TREH: variants seen among roughly 807,000 people sequenced by gnomAD.
The protein encoded by TREH is trehalase.
TREH carries 69 observed loss-of-function variants against 80.5 expected under a neutral mutation model. The observed-to-expected ratio is 0.86, with a 90% CI of 0.71 to 1.05. The LOEUF is 1.05. Among genes scored for constraint, TREH ranks in the 50% least tolerant of loss-of-function variants. The probability of loss-of-function intolerance (pLI) is 0.00; values close to 1 mark genes in which losing one functional copy is unlikely to be tolerated. For missense variants in TREH, 716 were observed against 718.8 expected (o/e 1.00, Z 0.04); for synonymous variants, 309 against 293.5 (o/e 1.05, Z -0.54).
chr11:118,679,319 G>A (rs1483555678), intron 1 of TREH, among the ~76,000 whole-genome samples: 1 of 152,064 alleles, frequency 6.6e-6, no homozygotes, highest in Non-Finnish European at 1.5e-5. Context: ...CTGGACGACC[G>A]AGCAAGACTC....
chr11:118,662,040 GAGGCTAC>G (rs1433237128), intron 4 of TREH, 50 bp from the exon 5 acceptor site: 24 of 1,447,862 alleles, frequency 1.7e-5, no homozygotes, highest in Non-Finnish European at 2.2e-5. Flanking sequence ...CACGGAAGCA[GAGGCTAC>G]AGGCAGCTGG....
Position 118,659,747 on chromosome 11 carries a change from C to T in TREH, c.1320G>A (p.Glu440=). The part of the protein sequence containing the change: ...GVADKALKYL[E]DNRILTYQYG... Reference sequence around the variant, plus strand: ...CCCGAGCCACCTGCTGTGCCCTCACCTCCAGGTATTTCAGAGCCTTGTCCG... The same window carrying T: ...CCCGAGCCACCTGCTGTGCCCTCACTTCCAGGTATTTCAGAGCCTTGTCCG... The change falls in exon 11 of 15, where the codon GAG becomes GAA. Residue 440 remains glutamate, a splice_region_variant and synonymous_variant. Coordinates refer to ENST00000264029, the MANE Select transcript of TREH (RefSeq NM_007180.3). 6.4e-7 allele frequency: 1 copy of T among 1,570,260 alleles called. No individual in the cohort carries two copies. The highest frequency in any genetic ancestry group is 8.6e-7 in the Non-Finnish European group (1 of 1,157,224).
chr11:118,672,001 CCAGA>C (rs1555146335), intron 1 of TREH, among the ~76,000 whole-genome samples: 1 of 152,092 alleles, frequency 6.6e-6, no homozygotes, highest in East Asian at 1.9e-4. Flanking sequence ...AAAGACTTTC[CCAGA>C]CAAACAAAAG....
At chr11:118,659,998 G>C in intron 10 of TREH, 34 bp from the exon 11 acceptor site, 1 of 1,539,056 alleles carries the variant, frequency 6.5e-7, no homozygotes, top group Non-Finnish European at 8.8e-7. Context: ...CCAGCAGCCA[G>C]TGCCCTGCCT....
chr11:118,673,221 G>C (rs1949446405), intron 1 of TREH, among the ~76,000 whole-genome samples: 1 of 152,172 alleles, frequency 6.6e-6, no homozygotes, highest in South Asian at 2.1e-4. Context: ...GTAACTCAGT[G>C]GTTCAAATTG....
rs369738256 is a variant in TREH at position 118,658,728 on chromosome 11, G to A, written c.1551C>T (p.Asp517=). ...SQKSAMYEKY[D]VSNGGQPGGG... ...CACCGGGCTGTCCACCGTTGCTGAC[G>A]TCATACTGGGGACAAGCGGGTGGGC... The change falls in exon 14 of 15, where the codon GAC becomes GAT. Residue 517 remains aspartate (D), a synonymous_variant. Transcript: ENST00000264029. 72 of 1,606,876 alleles carry A rather than the reference G, an allele frequency of 4.5e-5. No individual in the cohort carries two copies. In the African/African-American group the frequency reaches 7.5e-4, roughly 17 times the overall value.
Position 118,663,054 on chromosome 11 carries a change from G to A in TREH, c.333C>T (p.Asp111=). ...LQPWTPADWK[D]SPQFLQKISD... is the part of the protein sequence containing the mutation. The stretch of plus-strand genomic sequence containing the variant: ...TTGTTCCCCTTCCAGAGTCATACCT[G>A]TCTTTCCAGTCTGCAGGGGTCCAGG... The change falls in exon 3 of 15, where the codon GAC becomes GAT. Residue 111 remains aspartate (D), a splice_region_variant and synonymous_variant. Transcript: ENST00000264029. The A allele has an allele frequency of 6.2e-7, 1 of 1,613,616 alleles. No homozygotes were observed. The highest frequency in any genetic ancestry group is 1.1e-5 in the South Asian group (1 of 91,046).
chr11:118,670,452 A>G (rs1436649856), intron 1 of TREH, among the ~76,000 whole-genome samples: 1 of 152,258 alleles, frequency 6.6e-6, no homozygotes, highest in Non-Finnish European at 1.5e-5. Context: ...TAGCATTTTT[A>G]TAACAGACAA....
At position 118,658,723 on chromosome 11, in the gene TREH, C is replaced by T. The variant is rs1478362902; in HGVS notation, c.1556G>A (p.Ser519Asn). The T allele has an allele frequency of 6.2e-7, 1 of 1,606,034 alleles. No individual in the cohort carries two copies. Among genetic ancestry groups the T allele is most frequent in the East Asian group, 2.2e-5 (1 of 44,512 alleles). ...KSAMYEKYDV[S>N]NGGQPGGGGE... ...TCCCCCACCGGGCTGTCCACCGTTGCTGACGTCATACTGGGGACAAGCGGG... is the reference window on the plus strand; with the variant it reads ...TCCCCCACCGGGCTGTCCACCGTTGTTGACGTCATACTGGGGACAAGCGGG... Residue 519 changes from serine (S) to asparagine (N), a missense_variant, in exon 14 of 15, where the codon AGC becomes AAC. Ser to Asn is a conservative substitution (Grantham distance 46). Transcript: ENST00000264029.
Position 118,661,741 on chromosome 11 carries a change from G to T in TREH, c.525-12C>A. 1.9e-6 allele frequency: 3 copies of T among 1,613,552 alleles called. No individual in the cohort carries two copies. The highest frequency in any genetic ancestry group is 2.5e-6 in the Non-Finnish European group (3 of 1,179,664). On this transcript the variant is annotated splice_polypyrimidine_tract_variant and intron_variant, in intron 5 of 14. Transcript: ENST00000264029. This position sits in a 1 kb window ranked among gnomAD's most constrained non-coding sequence, Gnocchi z 4.2. ...CCCAGTAGGAGTCCCTGGGGAAGGG[G>T]CAGCTTAGGCACCACCCTGCTGCCT...
At chr11:118,673,933 T>C (rs1041379111) in intron 1 of TREH, among the ~76,000 whole-genome samples, 3 of 152,172 alleles carry the variant, frequency 2.0e-5, no homozygotes, top group African/African-American at 7.2e-5. Flanking sequence ...GAGCTGTCAA[T>C]AGGGCACTGT....
chr11:118,660,070 G>T, intron 10 of TREH, 106 bp from the exon 11 acceptor site: 1 of 1,077,944 alleles, frequency 9.3e-7, no homozygotes, highest in Non-Finnish European at 1.3e-6. Context: ...TCTCTGCAAA[G>T]GCTGAGACAC....
chr11:118,659,483 TAG>T lies in TREH; in HGVS notation c.1321-4_1321-3del. On this transcript the variant is annotated splice_region_variant and splice_polypyrimidine_tract_variant and intron_variant, in intron 11 of 14. Coordinates refer to ENST00000264029, the MANE Select transcript of TREH (RefSeq NM_007180.3). ...CTGGTAAGTCAGGATCCGGTTGTCCTAGAAGGTCCCAGACATTCCCATGACTG... is the reference window on the plus strand; with the variant it reads ...CTGGTAAGTCAGGATCCGGTTGTCCTAAGGTCCCAGACATTCCCATGACTG... 6.3e-7 allele frequency: 1 copy of T among 1,582,372 alleles called. No individual in the cohort carries two copies. Among genetic ancestry groups the T allele is most frequent in the Non-Finnish European group, 8.6e-7 (1 of 1,163,092 alleles).
At chr11:118,662,060 G>A (rs1477294313) in intron 4 of TREH, 70 bp from the exon 5 acceptor site, 5 of 1,267,828 alleles carry the variant, frequency 3.9e-6, no homozygotes, top group Non-Finnish European at 5.6e-6. Flanking sequence ...GCAGCTGGGG[G>A]ATCTGAGGCC....
intron 1 of TREH, among the ~76,000 whole-genome samples, chr11:118,669,078 C>T (rs1421368307): frequency 2.0e-5 from 3 of 152,054 alleles, no homozygotes; most frequent in African/African-American, 7.2e-5. Context: ...AAATGGCAAA[C>T]AAGCAAATGA....
At chr11:118,679,394 A>C (rs1949512129) in intron 1 of TREH, 145 bp downstream of exon 1, 6 of 1,059,204 alleles carry the variant, frequency 5.7e-6, no homozygotes, top group Non-Finnish European at 7.7e-6. Context: ...GCTACATAGG[A>C]ATTCTCATTT....
chr11:118,679,448 T>C (rs1228999700), intron 1 of TREH, 91 bp downstream of exon 1: 18 of 1,332,882 alleles, frequency 1.4e-5, no homozygotes, highest in Non-Finnish European at 1.6e-5. Flanking sequence ...TCTCTTCCTT[T>C]CCCTCTGAAG....
chr11:118,658,754 T>A (rs1218944844), intron 13 of TREH, 21 bp from the exon 14 acceptor site: 18 of 1,609,112 alleles, frequency 1.1e-5, no homozygotes, highest in Non-Finnish European at 1.5e-5. Context: ...GCGGGTGGGC[T>A]GTATGTCAGG....
In TREH at chr11:118,661,421, T is replaced by C; in HGVS notation, c.706A>G (p.Thr236Ala). The C allele has an allele frequency of 6.2e-7, 1 of 1,613,454 alleles. No homozygotes were observed. Among genetic ancestry groups the C allele is most frequent in the Non-Finnish European group, 8.5e-7 (1 of 1,179,730 alleles). ...AGAAAGGCGGTGTCATTGGTGTGAG[T>C]CAAGTAGCAATCCATCATGAGGGTC... ...LLTLMMDCYL[T>A]HTNDTAFLQE... Residue 236 changes from threonine (T) to alanine (A), a missense_variant, in exon 7 of 15, where the codon ACT becomes GCT. Thr to Ala is a moderately conservative substitution (Grantham distance 58, BLOSUM62 0). Coordinates refer to ENST00000264029, the MANE Select transcript of TREH (RefSeq NM_007180.3). This position sits in a 1 kb window ranked among gnomAD's most constrained non-coding sequence, Gnocchi z 4.2.
Sources: allele counts gnomAD v4.1 joint callset (sites outside exome capture counted in the v4.1 genomes callset), GRCh38; gene constraint gnomAD v4.1.1; non-coding constraint Gnocchi (gnomAD v3.1); transcripts MANE v1.5; gene names NCBI Gene and HGNC (gene_info 2026-07-23, HGNC 2026-07-21).